The following DLGAP1 variants were observed in gnomAD, a reference collection of about 807,000 sequenced individuals.
The protein encoded by DLGAP1 is DLG associated protein 1, also known as disks large-associated protein 1.
In DLGAP1, 11 loss-of-function variants were observed where a neutral mutation model predicts 90.8. That is an observed-to-expected ratio of 0.12 (90% CI 0.08 to 0.20). The LOEUF (loss-of-function observed/expected upper bound fraction) is 0.20, where lower values mean the gene tolerates loss of function less well. DLGAP1 is among the 10% of genes least tolerant of loss of function. DLGAP1 has a pLI of 1.00. For missense variants in DLGAP1, 1,050 were observed against 1,333.8 expected, an observed-to-expected ratio of 0.79 and a Z score of 3.31; for synonymous variants, 558 against 540.7, an observed-to-expected ratio of 1.03 and a Z score of -0.44.
intron 1 of DLGAP1, among the ~76,000 whole-genome samples, chr18:4,227,869 AAAATG>A (rs1166544570): frequency 6.6e-6 from 1 of 151,816 alleles, no homozygotes; most frequent in Non-Finnish European, 1.5e-5. Context: ...AAAATTAATG[AAAATG>A]AAATGAAGAA....
At chr18:4,306,462 T>TGTGTGA (rs1253812084) in intron 1 of DLGAP1, among the ~76,000 whole-genome samples, 54 of 52,176 alleles carry the variant, frequency 1.0e-3, no homozygotes, top group African/African-American at 2.5e-3. Flanking sequence ...TGTGTGTGTG[T>TGTGTGA]GAGAGAGAGA....
intron 3 of DLGAP1, chr18:3,962,231 CTAGT>C (rs2073214386): frequency 6.6e-6 from 1 of 152,124 alleles, no homozygotes; most frequent in African/African-American, 2.4e-5. Context: ...AATAAATTCC[CTAGT>C]TATTCTTTCA....
rs555785447 is a variant in DLGAP1, at chr18:3,927,348, G to A, written c.-72-47208C>T. Among the ~76,000 whole-genome samples, 6 of 152,302 alleles carry A rather than the reference G, an allele frequency of 3.9e-5. No homozygotes were observed. In the East Asian group the frequency reaches 7.7e-4, roughly 20 times the overall value. On this transcript the variant is annotated intron_variant, in intron 3 of 12. Transcript: ENST00000315677. Reference sequence around the variant, plus strand: ...TTTACTGAAAGATCGAGAGAAAGACGTCTAAATTATGATACAGTCCAGAGT... The same window carrying A: ...TTTACTGAAAGATCGAGAGAAAGACATCTAAATTATGATACAGTCCAGAGT...
At chr18:4,315,941 T>G (rs1166956624) in intron 1 of DLGAP1, among the ~76,000 whole-genome samples, 1 of 152,222 alleles carries the variant, frequency 6.6e-6, no homozygotes, top group Non-Finnish European at 1.5e-5. Context: ...CATAGGACGG[T>G]TGGGTTTTAT....
At chr18:3,717,096 C>T (rs1426774524) in intron 7 of DLGAP1, among the ~76,000 whole-genome samples, 1 of 146,958 alleles carries the variant, frequency 6.8e-6, no homozygotes, top group African/African-American at 2.5e-5. Flanking sequence ...AGACCTCCAT[C>T]CCAGCAGCTT....
chr18:4,000,237 T>TCTC (rs10646705), intron 3 of DLGAP1, among the ~76,000 whole-genome samples: 1 of 152,050 alleles, frequency 6.6e-6, no homozygotes, highest in Non-Finnish European at 1.5e-5. Context: ...TTTACTTTTC[T>TCTC]CATCCTACTA....
chr18:3,731,227 C>T (rs187613911), intron 6 of DLGAP1, among the ~76,000 whole-genome samples: 61 of 151,960 alleles, frequency 4.0e-4, no homozygotes, highest in African/African-American at 1.5e-3. Flanking sequence ...CATTTTTCCC[C>T]TTTTAATCAA....
intron 2 of DLGAP1, among the ~76,000 whole-genome samples, chr18:4,147,341 A>T (rs770769324): frequency 2.0e-5 from 3 of 152,184 alleles, no homozygotes; most frequent in Non-Finnish European, 2.9e-5. Context: ...GACCCTGTTT[A>T]TTAAAGAGCA....
At chr18:3,783,183 C>T (rs1009127465) in intron 5 of DLGAP1, among the ~76,000 whole-genome samples, 4 of 152,000 alleles carry the variant, frequency 2.6e-5, no homozygotes, top group African/African-American at 4.8e-5. Context: ...GAAATTGGAG[C>T]GCTTATACAC....
At chr18:3,881,427 C>G (rs1320029842) in intron 3 of DLGAP1, among the ~76,000 whole-genome samples, 2 of 152,194 alleles carry the variant, frequency 1.3e-5, no homozygotes, top group South Asian at 4.1e-4. Context: ...ATTAGTTCCT[C>G]TCTTGTGTTT....
chr18:3,928,360 C>T (rs1164321034), intron 3 of DLGAP1, among the ~76,000 whole-genome samples: 1 of 152,186 alleles, frequency 6.6e-6, no homozygotes, highest in Non-Finnish European at 1.5e-5. Flanking sequence ...ACATATTTCT[C>T]ACCTCAGTAA....
chr18:3,745,050 T>C (rs967863449), intron 5 of DLGAP1, among the ~76,000 whole-genome samples: 1 of 152,194 alleles, frequency 6.6e-6, no homozygotes, highest in African/African-American at 2.4e-5. Context: ...TTTGAGAACA[T>C]CATGCTAACT....
intron 1 of DLGAP1, among the ~76,000 whole-genome samples, chr18:4,402,203 C>T (rs1417712087): frequency 6.6e-6 from 1 of 152,168 alleles, no homozygotes; most frequent in Admixed American, 6.5e-5. Context: ...AAGTCAATGT[C>T]TTCATGTAAT....
In DLGAP1 at chr18:3,649,374, C is replaced by T. The variant is rs1221752684; in HGVS notation, c.1592-67126G>A. Among the ~76,000 whole-genome samples the T allele has an allele frequency of 3.3e-5, 5 of 152,310 alleles. No individual in the cohort carries two copies. In the East Asian group the frequency reaches 5.8e-4, roughly 18 times the overall value. ...GAGAGCTCTATCCAACACGAGGAGT[C>T]GCTTCCCTCTAAGGACTCTCAAAGG... On this transcript the variant is annotated intron_variant, in intron 7 of 12. Coordinates refer to ENST00000315677, the MANE Select transcript of DLGAP1 (RefSeq NM_004746.4).
At chr18:3,590,485 G>A (rs1052350540) in intron 7 of DLGAP1, among the ~76,000 whole-genome samples, 2 of 152,112 alleles carry the variant, frequency 1.3e-5, no homozygotes, top group African/African-American at 4.8e-5. Flanking sequence ...ACAGAGCAGG[G>A]TTATTCAAAG....
Position 4,306,426 on chromosome 18 carries a change from AGTGTGTGTGT to A in DLGAP1, c.-267+148570_-267+148579del, listed in dbSNP as rs60225266. ...TGAGAATAAAAAAAGAGAAAGTAAG[AGTGTGTGTGT>A]GTGTGTGTGTGTGTGTGTGTGTGTG... On this transcript the variant is annotated intron_variant, in intron 1 of 12. Transcript: ENST00000315677. Among the ~76,000 whole-genome samples the A allele has an allele frequency of 3.4e-3, 445 of 130,414 alleles. 2 individuals are homozygous for A. Among genetic ancestry groups the A allele is most frequent in the African/African-American group, 0.011 (360 of 31,322 alleles). The allele number at this position is 130,414 out of a possible 152,430, so 85.6% of individuals were successfully genotyped here.
chr18:3,509,592 C>T (rs955136705), intron 10 of DLGAP1, among the ~76,000 whole-genome samples: 2 of 152,184 alleles, frequency 1.3e-5, no homozygotes, highest in Non-Finnish European at 2.9e-5. Flanking sequence ...AAAACTAGAG[C>T]AGGAGAACTT....
intron 1 of DLGAP1, among the ~76,000 whole-genome samples, chr18:4,370,935 AG>A (rs1199025337): frequency 6.6e-6 from 1 of 151,204 alleles, no homozygotes; most frequent in Non-Finnish European, 1.5e-5. Context: ...TAGGATGGGA[AG>A]TACATACCTC....
chr18:3,568,756 G>A (rs1010716010), intron 8 of DLGAP1, among the ~76,000 whole-genome samples: 10 of 150,296 alleles, frequency 6.7e-5, no homozygotes, highest in East Asian at 2.0e-4. Context: ...GCACGATCTC[G>A]GCTCACCGCA....
Sources: gnomAD v4.1 joint callset for allele counts (sites outside exome capture counted in the v4.1 genomes callset) on GRCh38, gnomAD v4.1.1 for gene constraint, MANE v1.5 for transcripts, NCBI Gene and HGNC (gene_info 2026-07-23, HGNC 2026-07-21) for gene names.